ASIC2: variants seen among roughly 807,000 people sequenced by gnomAD.
The protein encoded by ASIC2 is acid sensing ion channel subunit 2.
Under a neutral mutation model 57.3 loss-of-function variants are expected in ASIC2, and 25 were observed. The ratio of observed to expected loss-of-function variants is 0.44; its 90% CI spans 0.32 to 0.61. The LOEUF (loss-of-function observed/expected upper bound fraction) is 0.61, where lower values mean the gene tolerates loss of function less well. Ranked by LOEUF, ASIC2 falls within the 20% of genes least tolerant of loss-of-function variation. The pLI is 0.06. For synonymous variants in ASIC2, 319 were observed against 307.5 expected (o/e 1.04, Z -0.39); for missense variants, 641 against 738.1 (o/e 0.87, Z 1.52).
intron 1 of ASIC2, among the ~76,000 whole-genome samples, chr17:34,000,621 C>T (rs1906309259): frequency 2.0e-5 from 3 of 152,184 alleles, no homozygotes; most frequent in Non-Finnish European, 1.5e-5. Flanking sequence ...TCATTACTCT[C>T]TCCAGGTTTG....
intron 1 of ASIC2, among the ~76,000 whole-genome samples, chr17:33,830,594 A>T (rs10468591): frequency 7.2e-5 from 11 of 151,764 alleles, no homozygotes; most frequent in Non-Finnish European, 1.3e-4. Flanking sequence ...ATATGCAGAA[A>T]GTGCAAGTTT....
intron 1 of ASIC2, among the ~76,000 whole-genome samples, chr17:33,344,421 T>C (rs1907863090): frequency 6.6e-6 from 1 of 152,152 alleles, no homozygotes. Context: ...CAGGAATGTC[T>C]GGAGCAGATA....
At chr17:33,366,202 T>A (rs1450151202) in intron 1 of ASIC2, among the ~76,000 whole-genome samples, 2 of 152,252 alleles carry the variant, frequency 1.3e-5, no homozygotes, top group East Asian at 1.9e-4. Context: ...TTAGAGATGA[T>A]CTTAGTAACT....
chr17:33,200,218 G>A (rs1906804470), intron 1 of ASIC2, among the ~76,000 whole-genome samples: 1 of 152,182 alleles, frequency 6.6e-6, no homozygotes, highest in South Asian at 2.1e-4. Flanking sequence ...CTCTTGGACT[G>A]AAGGCGAGTC....
intron 1 of ASIC2, among the ~76,000 whole-genome samples, chr17:33,313,160 AT>A (rs989785596): frequency 2.6e-4 from 39 of 150,592 alleles, no homozygotes; most frequent in Admixed American, 6.0e-4. Context: ...TCTCAACAAA[AT>A]TTTTTTTTTA....
intron 1 of ASIC2, among the ~76,000 whole-genome samples, chr17:33,342,563 C>T (rs1341446725): frequency 6.6e-6 from 1 of 152,074 alleles, no homozygotes; most frequent in Non-Finnish European, 1.5e-5. Context: ...CCTGACCATT[C>T]CTGGGGGAAT....
chr17:34,005,421 A>G (rs1156452569), intron 1 of ASIC2: 1 of 151,964 alleles, frequency 6.6e-6, no homozygotes, highest in Non-Finnish European at 1.5e-5. Flanking sequence ...AGCTAAACTT[A>G]AATATGATTA....
chr17:33,104,763 A>T (rs2092228665), intron 2 of ASIC2, among the ~76,000 whole-genome samples: 2 of 152,180 alleles, frequency 1.3e-5, no homozygotes, highest in Non-Finnish European at 2.9e-5. Flanking sequence ...TTATGACCAC[A>T]TTGTGAACAT....
At chr17:33,977,709 A>G (rs907511869) in intron 1 of ASIC2, among the ~76,000 whole-genome samples, 1 of 152,088 alleles carries the variant, frequency 6.6e-6, no homozygotes, top group African/African-American at 2.4e-5. Flanking sequence ...TCTGGCCCCA[A>G]AGAGAAGGTT....
chr17:33,060,458 G>T (rs1380221837), intron 3 of ASIC2, among the ~76,000 whole-genome samples: 2 of 152,144 alleles, frequency 1.3e-5, no homozygotes, highest in Admixed American at 1.3e-4. Flanking sequence ...GTTTGTCAAA[G>T]ATGAAATAGT....
chr17:33,100,548 C>T (rs1482537793), intron 2 of ASIC2, among the ~76,000 whole-genome samples: 1 of 152,218 alleles, frequency 6.6e-6, no homozygotes, highest in African/African-American at 2.4e-5. Flanking sequence ...TCTATCACAG[C>T]ACTTGGTGAC....
At chr17:34,039,165 A>T in intron 1 of ASIC2, 2 of 1,613,968 alleles carry the variant, frequency 1.2e-6, no homozygotes, top group Non-Finnish European at 1.7e-6. Flanking sequence ...TTAATAAATC[A>T]TCTATTCTTC....
intron 1 of ASIC2, among the ~76,000 whole-genome samples, chr17:33,771,365 T>C (rs1291185209): frequency 3.3e-5 from 5 of 152,176 alleles, no homozygotes; most frequent in African/African-American, 1.2e-4. Flanking sequence ...GCACCTTCTG[T>C]CTCACTGCCC....
chr17:33,892,566 C>G (rs966538562), intron 1 of ASIC2, among the ~76,000 whole-genome samples: 1 of 152,156 alleles, frequency 6.6e-6, no homozygotes, highest in Non-Finnish European at 1.5e-5. Flanking sequence ...TCGTGCCTTC[C>G]ATATCTGTAT....
intron 1 of ASIC2, among the ~76,000 whole-genome samples, chr17:33,930,623 G>C (rs1333810554): frequency 6.6e-6 from 1 of 152,222 alleles, no homozygotes; most frequent in Non-Finnish European, 1.5e-5. Flanking sequence ...AGGAAGCCAG[G>C]TAAAAGTGCT....
At chr17:33,952,104 T>C (rs1904594364) in intron 1 of ASIC2, among the ~76,000 whole-genome samples, 1 of 152,314 alleles carries the variant, frequency 6.6e-6, no homozygotes, top group South Asian at 2.1e-4. Context: ...TATCTTCAAA[T>C]TGCTTTCAAC....
intron 1 of ASIC2, among the ~76,000 whole-genome samples, chr17:33,920,683 T>A (rs1915690463): frequency 6.6e-6 from 1 of 152,208 alleles, no homozygotes; most frequent in Non-Finnish European, 1.5e-5. Context: ...CTAACAAACC[T>A]GCACATGTAC....
chr17:33,902,764 G>T (rs1016933731), intron 1 of ASIC2, among the ~76,000 whole-genome samples: 1 of 152,138 alleles, frequency 6.6e-6, no homozygotes, highest in African/African-American at 2.4e-5. Flanking sequence ...TTTTAGGGTG[G>T]AACCCCTAAT....
chr17:33,310,068 T>C (rs1906344845), intron 1 of ASIC2, among the ~76,000 whole-genome samples: 1 of 151,694 alleles, frequency 6.6e-6, no homozygotes, highest in African/African-American at 2.4e-5. Context: ...ATCCCTGTAA[T>C]ATTAATACTC....
Sources: allele counts gnomAD v4.1 joint callset (sites outside exome capture counted in the v4.1 genomes callset), GRCh38; gene constraint gnomAD v4.1.1; transcripts MANE v1.5; gene names NCBI Gene and HGNC (gene_info 2026-07-23, HGNC 2026-07-21).